The following DACH1 variants were observed in gnomAD, a reference collection of about 807,000 sequenced individuals.
DACH1 encodes dachshund family transcription factor 1.
In DACH1, 12 loss-of-function variants were observed where a neutral mutation model predicts 54.2. The ratio of observed to expected loss-of-function variants is 0.22; its 90% CI spans 0.14 to 0.36. The LOEUF is 0.36. Ranked by LOEUF, DACH1 falls within the 10% of genes least tolerant of loss-of-function variation. The probability of loss-of-function intolerance (pLI) is 1.00; values close to 1 mark genes in which losing one functional copy is unlikely to be tolerated. For synonymous variants in DACH1, 386 were observed against 366.2 expected (o/e 1.05, Z -0.62); for missense variants, 805 against 929.8 (o/e 0.87, Z 1.75).
intron 1 of DACH1, among the ~76,000 whole-genome samples, chr13:71,748,210 AG>A (rs1395019605): frequency 6.6e-6 from 1 of 151,354 alleles, no homozygotes; most frequent in Non-Finnish European, 1.5e-5. Flanking sequence ...AACAATGTTG[AG>A]GGGGGGAAAG....
In DACH1 at chr13:71,466,246, T is replaced by C. The variant is rs1876553420; in HGVS notation, c.2083+8895A>G. On this transcript the variant is annotated intron_variant, in intron 10 of 10. Coordinates refer to ENST00000613252, the MANE Select transcript of DACH1 (RefSeq NM_080759.6). ...TCCCCTGCTAATATCTTTCCCAGTT[T>C]CCATATATCACTATTTTTGACTATT... 1.3e-5 allele frequency among the ~76,000 whole-genome samples: 2 copies of C among 152,154 alleles called. 1 individual carries two copies. The highest frequency in any genetic ancestry group is 4.8e-5 in the African/African-American group (2 of 41,444).
At chr13:71,839,602 G>A (rs111408061) in intron 1 of DACH1, among the ~76,000 whole-genome samples, 9,874 of 151,920 alleles carry the variant, frequency 0.065, 847 homozygotes, top group African/African-American at 0.2. Context: ...GTGAGACTCC[G>A]TCTCAAAATA....
At chr13:71,468,459 C>CT (rs1398666332) in intron 10 of DACH1, among the ~76,000 whole-genome samples, 6 of 152,122 alleles carry the variant, frequency 3.9e-5, no homozygotes, top group Admixed American at 3.9e-4. Context: ...ATAGAAGTGC[C>CT]TAAGGAACCC....
intron 1 of DACH1, among the ~76,000 whole-genome samples, chr13:71,682,471 G>T (rs138527874): frequency 6.6e-6 from 1 of 152,196 alleles, no homozygotes; most frequent in African/African-American, 2.4e-5. Context: ...TTATTACTTC[G>T]CACTGCTAGC....
At chr13:71,661,902 A>T (rs369597505) in intron 2 of DACH1, among the ~76,000 whole-genome samples, 247 of 152,128 alleles carry the variant, frequency 1.6e-3, no homozygotes, top group African/African-American at 5.6e-3. Flanking sequence ...TGGAGAATTA[A>T]TCTGTAACCT....
chr13:71,614,853 C>CAAAA lies in DACH1; in HGVS notation c.1126+15699_1126+15702dup, dbSNP rs397978208. Reference sequence around the variant, plus strand: ...TGGGTGACAAACTAAAACTCTATCTCAAAAAAAAAAAAAAAAAAAAGCCAC... The same window carrying CAAAA: ...TGGGTGACAAACTAAAACTCTATCTCAAAAAAAAAAAAAAAAAAAAAAAAGCCAC... On this transcript the variant is annotated intron_variant, in intron 3 of 10. Transcript: ENST00000613252. Among the ~76,000 whole-genome samples the CAAAA allele has an allele frequency of 1.2e-3, 57 of 48,880 alleles. No homozygotes were observed. The East Asian group carries it at 0.028, about 24-fold the overall frequency. The allele number at this position is 48,880 out of a possible 152,430, so 32.1% of individuals were successfully genotyped here.
chr13:71,678,151 T>C (rs750902531), intron 2 of DACH1, among the ~76,000 whole-genome samples: 27 of 152,198 alleles, frequency 1.8e-4, no homozygotes, highest in Admixed American at 1.3e-4. Context: ...CAAAAGTACA[T>C]AAATAAAGTC....
rs540383998 is a variant in DACH1 at position 71,616,799 on chromosome 13, C to CTA, written c.1126+13755_1126+13756dup. Reference sequence around the variant, plus strand: ...CAGAATAGTGTAAAAGTGGGAATATCTATATATATACATAGAAAGAGAGAG... The same window carrying CTA: ...CAGAATAGTGTAAAAGTGGGAATATCTATATATATATACATAGAAAGAGAGAG... On this transcript the variant is annotated intron_variant, in intron 3 of 10. Coordinates refer to ENST00000613252, the MANE Select transcript of DACH1 (RefSeq NM_080759.6). 2.3e-3 allele frequency among the ~76,000 whole-genome samples: 345 copies of CTA among 150,056 alleles called. 1 individual carries two copies. The highest frequency in any genetic ancestry group is 8.2e-3 in the African/African-American group (335 of 40,826).
intron 1 of DACH1, among the ~76,000 whole-genome samples, chr13:71,684,272 A>G (rs1566430824): frequency 6.6e-6 from 1 of 152,146 alleles, no homozygotes; most frequent in African/African-American, 2.4e-5. Flanking sequence ...ATAAAATGCA[A>G]ATTTGACCTT....
chr13:71,528,286 T>A (rs1882147791), intron 6 of DACH1, among the ~76,000 whole-genome samples: 1 of 152,144 alleles, frequency 6.6e-6, no homozygotes, highest in Admixed American at 6.6e-5. Flanking sequence ...TTTCTATAGA[T>A]GAGACTGCAG....
At chr13:71,702,968 T>A (rs1346585031) in intron 1 of DACH1, among the ~76,000 whole-genome samples, 1 of 152,152 alleles carries the variant, frequency 6.6e-6, no homozygotes, top group Non-Finnish European at 1.5e-5. Flanking sequence ...TTTAACAACT[T>A]ATAGTCTAAC....
intron 3 of DACH1, among the ~76,000 whole-genome samples, chr13:71,584,896 T>C (rs566685575): frequency 2.7e-4 from 41 of 151,940 alleles, no homozygotes; most frequent in Non-Finnish European, 5.2e-4. Flanking sequence ...AACAAAGAAA[T>C]AGAGCAGAAA....
At chr13:71,479,393 A>G (rs1877847095) in intron 7 of DACH1, 77 bp from the exon 8 acceptor site, 1 of 1,450,986 alleles carries the variant, frequency 6.9e-7, no homozygotes, top group South Asian at 1.3e-5. Context: ...AGCATTTTCA[A>G]AGCAAAGAAC....
At chr13:71,804,891 G>A (rs765592744) in intron 1 of DACH1, among the ~76,000 whole-genome samples, 7 of 151,888 alleles carry the variant, frequency 4.6e-5, no homozygotes, top group African/African-American at 7.3e-5. Context: ...CTTACCTACC[G>A]TATGAGAAGT....
intron 1 of DACH1, among the ~76,000 whole-genome samples, chr13:71,807,605 G>A (rs953317595): frequency 1.3e-5 from 2 of 151,922 alleles, no homozygotes; most frequent in South Asian, 2.1e-4. Context: ...TTTATTTTAA[G>A]CTATTATGCC....
At chr13:71,705,010 T>C (rs1001866032) in intron 1 of DACH1, among the ~76,000 whole-genome samples, 1 of 152,110 alleles carries the variant, frequency 6.6e-6, no homozygotes, top group Non-Finnish European at 1.5e-5. Flanking sequence ...CTCTGATACA[T>C]TTTGATTAAA....
intron 7 of DACH1, among the ~76,000 whole-genome samples, chr13:71,485,670 C>T (rs1878443225): frequency 6.7e-6 from 1 of 148,342 alleles, no homozygotes. Context: ...GCAACCTCTG[C>T]CTCCCGGGTT....
chr13:71,508,834 A>C (rs997027256), intron 6 of DACH1, among the ~76,000 whole-genome samples: 1 of 152,150 alleles, frequency 6.6e-6, no homozygotes, highest in Non-Finnish European at 1.5e-5. Flanking sequence ...CACCCTAAGC[A>C]TATTAAAAAT....
chr13:71,733,800 A>T (rs1883861737), intron 1 of DACH1, among the ~76,000 whole-genome samples: 1 of 152,118 alleles, frequency 6.6e-6, no homozygotes, highest in Non-Finnish European at 1.5e-5. Context: ...AATGAATGTT[A>T]TATGTAATTT....
Sources: allele counts gnomAD v4.1 joint callset (sites outside exome capture counted in the v4.1 genomes callset), GRCh38; gene constraint gnomAD v4.1.1; transcripts MANE v1.5; gene names NCBI Gene and HGNC (gene_info 2026-07-23, HGNC 2026-07-21).